Variants in ROBO2 observed in about 807,000 individuals in gnomAD.
ROBO2 encodes roundabout guidance receptor 2.
Under a neutral mutation model 160.8 loss-of-function variants are expected in ROBO2, and 53 were observed. That is an observed-to-expected ratio of 0.33 (90% confidence interval 0.26 to 0.41). The LOEUF is 0.41. ROBO2 is among the 10% of genes least tolerant of loss of function. The pLI, the probability that ROBO2 is intolerant of heterozygous loss-of-function variation, is 1.00. For missense variants in ROBO2, 1,577 were observed against 1,722.4 expected (o/e 0.92, Z 1.49); for synonymous variants, 664 against 611.7 (o/e 1.09, Z -1.26).
chr3:76,187,860 A>G (rs1390530410), intron 2 of ROBO2, among the ~76,000 whole-genome samples: 1 of 152,164 alleles, frequency 6.6e-6, no homozygotes, highest in Non-Finnish European at 1.5e-5. Context: ...CATAATTCCT[A>G]TGTTAAAACC....
At chr3:77,595,000 C>CAA (rs1402949661) in intron 17 of ROBO2, 142 bp from the exon 19 acceptor site, 2 of 653,806 alleles carry the variant, frequency 3.1e-6, no homozygotes, top group Non-Finnish European at 5.4e-6. Context: ...TTGTTACTCT[C>CAA]TGTACAATGA....
intron 2 of ROBO2, among the ~76,000 whole-genome samples, chr3:76,776,883 C>G (rs933131470): frequency 1.5e-4 from 22 of 151,020 alleles, no homozygotes; most frequent in African/African-American, 5.3e-4. Context: ...TTCCTAATGC[C>G]TTTTGCCAGC....
At chr3:76,031,397 A>G (rs183999241) in intron 2 of ROBO2, among the ~76,000 whole-genome samples, 19 of 152,142 alleles carry the variant, frequency 1.2e-4, no homozygotes, top group African/African-American at 4.1e-4. Flanking sequence ...TTCCAACACT[A>G]TGTTGAATAG....
At chr3:77,144,672 A>G (rs999345911) in intron 2 of ROBO2, among the ~76,000 whole-genome samples, 6 of 152,254 alleles carry the variant, frequency 3.9e-5, no homozygotes, top group African/African-American at 1.4e-4. Flanking sequence ...GATGAAAAAT[A>G]TGACAAATAT....
intron 7 of ROBO2, among the ~76,000 whole-genome samples, chr3:77,548,266 T>C (rs1462139832): frequency 6.6e-6 from 1 of 152,054 alleles, no homozygotes; most frequent in African/African-American, 2.4e-5. Flanking sequence ...ATTTTCTTAA[T>C]CTAAAATACA....
At chr3:76,343,456 CT>C (rs1341571722) in intron 2 of ROBO2, among the ~76,000 whole-genome samples, 1 of 151,868 alleles carries the variant, frequency 6.6e-6, no homozygotes, top group East Asian at 1.9e-4. Flanking sequence ...GAATGAAGTC[CT>C]TCTAGAATGA....
intron 2 of ROBO2, among the ~76,000 whole-genome samples, chr3:76,957,934 C>T (rs528383966): frequency 2.0e-5 from 3 of 152,056 alleles, no homozygotes; most frequent in East Asian, 1.9e-4. Flanking sequence ...GGACTATTTG[C>T]GTGAAAGTTC....
At chr3:76,266,721 G>C (rs190582162) in intron 2 of ROBO2, among the ~76,000 whole-genome samples, 3 of 152,210 alleles carry the variant, frequency 2.0e-5, no homozygotes, top group Admixed American at 2.0e-4. Context: ...GCAAGTCTAT[G>C]ATGCTGCCAT....
chr3:76,851,432 T>C (rs1304717148), intron 2 of ROBO2, among the ~76,000 whole-genome samples: 1 of 152,092 alleles, frequency 6.6e-6, no homozygotes, highest in Non-Finnish European at 1.5e-5. Flanking sequence ...CACCTAAATA[T>C]TTCAGTAAAA....
At chr3:76,925,060 T>G (rs899768076) in intron 2 of ROBO2, among the ~76,000 whole-genome samples, 6 of 151,192 alleles carry the variant, frequency 4.0e-5, no homozygotes, top group Non-Finnish European at 8.9e-5. Flanking sequence ...TACAAAAAAT[T>G]AGCCGGGCGT....
intron 2 of ROBO2, among the ~76,000 whole-genome samples, chr3:76,972,873 A>C (rs190571951): frequency 6.6e-6 from 1 of 152,326 alleles, no homozygotes; most frequent in East Asian, 1.9e-4. Flanking sequence ...ACATAAATAC[A>C]TAAATACATA....
intron 2 of ROBO2, among the ~76,000 whole-genome samples, chr3:77,476,515 A>G (rs908779218): frequency 1.3e-5 from 2 of 152,106 alleles, no homozygotes; most frequent in Admixed American, 6.6e-5. Context: ...GTTGCAGTAT[A>G]TGGTACATTT....
intron 8 of ROBO2, 83 bp from the exon 10 acceptor site, chr3:77,557,861 T>C (rs1582929715): frequency 9.2e-7 from 1 of 1,090,808 alleles, no homozygotes; most frequent in East Asian, 2.4e-5. Flanking sequence ...TGTTGGGGCT[T>C]TAACCTTACT....
chr3:76,834,351 C>T (rs565274175), intron 2 of ROBO2, among the ~76,000 whole-genome samples: 3 of 151,516 alleles, frequency 2.0e-5, no homozygotes, highest in South Asian at 2.1e-4. Flanking sequence ...CCATGCCCTG[C>T]TAATTATTTA....
At chr3:77,214,619 A>G (rs1470968390) in intron 2 of ROBO2, among the ~76,000 whole-genome samples, 1 of 152,146 alleles carries the variant, frequency 6.6e-6, no homozygotes. Flanking sequence ...TGAACCTGTC[A>G]TTATGATGTT....
chr3:75,959,779 G>A (rs867616627), intron 2 of ROBO2, among the ~76,000 whole-genome samples: 10 of 151,428 alleles, frequency 6.6e-5, no homozygotes, highest in Non-Finnish European at 1.2e-4. Context: ...AGTCTTTGTC[G>A]TTAAAAAATA....
chr3:77,208,266 T>C (rs1295724492), intron 2 of ROBO2, among the ~76,000 whole-genome samples: 2 of 152,234 alleles, frequency 1.3e-5, no homozygotes, highest in Non-Finnish European at 2.9e-5. Flanking sequence ...TATATTTCTT[T>C]CATCTATAAA....
intron 2 of ROBO2, among the ~76,000 whole-genome samples, chr3:76,498,501 A>G (rs987518156): frequency 6.6e-6 from 1 of 151,928 alleles, no homozygotes; most frequent in African/African-American, 2.4e-5. Flanking sequence ...ATATATGTTA[A>G]TTAGCTGTAT....
chr3:77,226,835 C>T (rs575015336), intron 2 of ROBO2, among the ~76,000 whole-genome samples: 1 of 152,004 alleles, frequency 6.6e-6, no homozygotes, highest in Admixed American at 6.6e-5. Flanking sequence ...AAAGTGAAAA[C>T]CAGAACGGTT....
Sources: allele counts gnomAD v4.1 joint callset (sites outside exome capture counted in the v4.1 genomes callset), GRCh38; gene constraint gnomAD v4.1.1; transcripts MANE v1.5; gene names NCBI Gene and HGNC (gene_info 2026-07-23, HGNC 2026-07-21).